The following IFI16 variants were observed in gnomAD, a reference collection of about 807,000 sequenced individuals.
The protein encoded by IFI16 is interferon gamma inducible protein 16.
A neutral mutation model predicts 68.4 loss-of-function variants in IFI16; 49 were observed. The observed-to-expected ratio is 0.72, with a 90% CI of 0.57 to 0.91. IFI16 has a LOEUF of 0.91. Ranked by LOEUF, IFI16 falls within the 40% of genes least tolerant of loss-of-function variation. The pLI is 0.00. For synonymous variants in IFI16, 307 were observed against 315.0 expected, an observed-to-expected ratio of 0.97 and a Z score of 0.27; for missense variants, 878 against 942.9, an observed-to-expected ratio of 0.93 and a Z score of 0.90.
Position 159,032,550 on chromosome 1 carries a change from C to T in IFI16, c.1188C>T (p.Asn396=), listed in dbSNP as rs1654063190. 1 of 1,587,066 alleles carries T rather than the reference C, an allele frequency of 6.3e-7. No homozygotes were observed. The highest frequency in any genetic ancestry group is 8.5e-7 in the Non-Finnish European group (1 of 1,170,622). ...TAAAGAAAAAAACAAACCCGAGAAA[C>T]AATGACCCCAAGAGCATGAAGCTAC... The part of the protein sequence containing the change: ...IQIKKKTNPR[N]NDPKSMKLPQ... The change falls in exon 7 of 12, where the codon AAC becomes AAT. Residue 396 remains asparagine, a synonymous_variant. Coordinates refer to ENST00000295809, the MANE Select transcript of IFI16 (RefSeq NM_001376587.1).
upstream of IFI16, among the ~76,000 whole-genome samples, chr1:159,006,726 G>A (rs1467529169): frequency 2.0e-5 from 3 of 152,144 alleles, no homozygotes; most frequent in Non-Finnish European, 4.4e-5. Context: ...GTAAAAACAA[G>A]GTTAGGCATT....
At chr1:159,044,020 C>T (rs1477573862) in intron 7 of IFI16, among the ~76,000 whole-genome samples, 3 of 152,042 alleles carry the variant, frequency 2.0e-5, no homozygotes, top group South Asian at 2.1e-4. Flanking sequence ...ATCTGTTCAC[C>T]GGAGCAGACA....
In IFI16 at chr1:159,054,908, G is replaced by A. The variant is rs777073814; in HGVS notation, c.*7G>A. On this transcript the variant is annotated 3_prime_UTR_variant, in exon 12 of 12. Transcript: ENST00000295809. ...ACCAGACTTTTTCTTCTAAAATCTG[G>A]ATGTCATTGACGATAATGTTTATGG... is the stretch of plus-strand genomic sequence containing the variant. 2.0e-6 allele frequency: 3 copies of A among 1,513,432 alleles called. No homozygotes were observed. Among genetic ancestry groups the A allele is most frequent in the African/African-American group, 1.4e-5 (1 of 72,896 alleles). The allele number at this position is 1,513,432 out of a possible 1,614,324, so 93.8% of individuals were successfully genotyped here.
At chr1:159,047,201 G>A (rs568981602) in intron 8 of IFI16, among the ~76,000 whole-genome samples, 45 of 151,312 alleles carry the variant, frequency 3.0e-4, no homozygotes, top group African/African-American at 1.1e-3. Flanking sequence ...TTGCGGACCC[G>A]AGCACCATCC....
At chr1:159,016,221 G>T (rs1347246292) in intron 3 of IFI16, among the ~76,000 whole-genome samples, 2 of 152,210 alleles carry the variant, frequency 1.3e-5, no homozygotes, top group Admixed American at 6.5e-5. Context: ...CATTCTAGTA[G>T]AGTGGAGTGT....
At chr1:159,018,840 C>G (rs1449432633) in intron 5 of IFI16, among the ~76,000 whole-genome samples, 189 bp downstream of exon 5, 1 of 152,120 alleles carries the variant, frequency 6.6e-6, no homozygotes, top group Non-Finnish European at 1.5e-5. Context: ...ATTTCTTTCC[C>G]ATGTTCTCCT....
At chr1:159,042,982 T>C (rs2814770) in intron 7 of IFI16, among the ~76,000 whole-genome samples, 121,225 of 152,104 alleles carry the variant, frequency 0.8, 49,268 homozygotes, top group Admixed American at 0.9. Flanking sequence ...ATTTACATTA[T>C]TATTCTCCAA....
rs571168990 is a variant in IFI16 at position 159,000,278 on chromosome 1, G to C, written c.-297G>C. 5.6e-4 allele frequency: 142 copies of C among 253,480 alleles called. 1 individual carries two copies. Among genetic ancestry groups the C allele is most frequent in the African/African-American group, 3.0e-3 (132 of 44,188 alleles). The allele number at this position is 253,480 out of a possible 1,614,324, so 15.7% of individuals were successfully genotyped here. A position where few individuals can be genotyped will look rare whatever the true frequency, so the allele number is the denominator to read the frequency against. On this transcript the variant is annotated 5_prime_UTR_variant, in exon 1 of 3. Transcript: ENST00000566111. ...CTCATCGGTGATGTTATCCAGGCTGGTTAGCAAGAGTATCTCCTTATATTT... is the reference window on the plus strand; with the variant it reads ...CTCATCGGTGATGTTATCCAGGCTGCTTAGCAAGAGTATCTCCTTATATTT...
intron 6 of IFI16, among the ~76,000 whole-genome samples, chr1:159,025,096 T>C (rs1456658511): frequency 6.6e-6 from 1 of 152,196 alleles, no homozygotes; most frequent in Non-Finnish European, 1.5e-5. Flanking sequence ...AAAAGACTTT[T>C]AGTTCTGAGG....
At chr1:159,003,061 T>C (rs1289074994), upstream of IFI16, among the ~76,000 whole-genome samples, 1 of 152,250 alleles carries the variant, frequency 6.6e-6, no homozygotes, top group Non-Finnish European at 1.5e-5. Context: ...CAAGGCATTA[T>C]GCCAAATATA....
chr1:159,016,396 C>G, intron 3 of IFI16, 137 bp from the exon 4 acceptor site: 1 of 707,208 alleles, frequency 1.4e-6, no homozygotes, highest in Non-Finnish European at 2.3e-6. Context: ...CTTAAACTGG[C>G]GAGAGATGGG....
chr1:159,030,920 T>A (rs1435077363), intron 6 of IFI16, among the ~76,000 whole-genome samples: 1 of 151,426 alleles, frequency 6.6e-6, no homozygotes, highest in Admixed American at 6.6e-5. Flanking sequence ...CTTTGTCTTC[T>A]GGCTACCAGG....
rs1202118039 is a variant in IFI16, at chr1:159,053,787, A to G, written c.2277+63A>G. 3.2e-6 allele frequency: 4 copies of G among 1,248,380 alleles called. No homozygotes were observed. In the East Asian group the frequency reaches 9.3e-5, roughly 29 times the overall value. The allele number at this position is 1,248,380 out of a possible 1,614,324, so 77.3% of individuals were successfully genotyped here. ...GAATCATTTTGTTTATACTTTAAGAAGACTAGACTGCTACTATTACAGAGA... is the reference window on the plus strand; with the variant it reads ...GAATCATTTTGTTTATACTTTAAGAGGACTAGACTGCTACTATTACAGAGA... On this transcript the variant is annotated intron_variant, in intron 11 of 11. Transcript: ENST00000295809.
intron 6 of IFI16, among the ~76,000 whole-genome samples, chr1:159,023,910 G>C (rs1453960295): frequency 6.6e-6 from 1 of 152,260 alleles, no homozygotes; most frequent in African/African-American, 2.4e-5. Context: ...CTTGCCCTCG[G>C]GGGCGGACCC....
Position 159,018,372 on chromosome 1 carries a change from T to C in IFI16, c.693T>C (p.Ala231=), listed in dbSNP as rs754197848. 2 of 1,614,220 alleles carry C rather than the reference T, an allele frequency of 1.2e-6. No individual in the cohort carries two copies. Among genetic ancestry groups the C allele is most frequent in the Non-Finnish European group, 1.7e-6 (2 of 1,180,012 alleles). Residue 231 remains alanine (A), a synonymous_variant, in exon 5 of 12, where the codon GCT becomes GCC. Coordinates refer to ENST00000295809, the MANE Select transcript of IFI16 (RefSeq NM_001376587.1). ...PEMEKKIMFH[A]TVATQTQFFH... ...TGGAGAAAAAAATAATGTTTCATGC[T>C]ACAGTGGCTACACAGACACAGTTCT...
At chr1:159,052,876 T>A (rs1190732096) in intron 10 of IFI16, 2 of 152,284 alleles carry the variant, frequency 1.3e-5, no homozygotes, top group African/African-American at 4.8e-5. Flanking sequence ...TACTGTTTCA[T>A]ACTCCATTAT....
upstream of IFI16, among the ~76,000 whole-genome samples, chr1:159,009,656 T>A (rs1652424118): frequency 6.6e-6 from 1 of 152,224 alleles, no homozygotes; most frequent in Non-Finnish European, 1.5e-5. Flanking sequence ...AACTTATTTG[T>A]GTTTATATAC....
rs1653971626 is a variant in IFI16, at chr1:159,031,074, G to T, written c.1162-1450G>T. ...GAGGTATATTCCCAAGGGAATTATG[G>T]CTGCCTCTGCTGTGTCATGCAAGTT... On this transcript the variant is annotated intron_variant, in intron 6 of 11. Coordinates refer to ENST00000295809, the MANE Select transcript of IFI16 (RefSeq NM_001376587.1). Among the ~76,000 whole-genome samples the T allele has an allele frequency of 2.6e-5, 4 of 152,244 alleles. No individual in the cohort carries two copies. The South Asian group carries it at 8.3e-4, about 32-fold the overall frequency.
intron 11 of IFI16, 24 bp from the exon 12 acceptor site, chr1:159,054,797 G>C: frequency 7.2e-7 from 1 of 1,391,424 alleles, no homozygotes; most frequent in Non-Finnish European, 1.0e-6. Flanking sequence ...CAACTGGTCT[G>C]TCTTTATCTC....
Sources: allele counts gnomAD v4.1 joint callset (sites outside exome capture counted in the v4.1 genomes callset), GRCh38; gene constraint gnomAD v4.1.1; transcripts MANE v1.5; gene names NCBI Gene and HGNC (gene_info 2026-07-23, HGNC 2026-07-21).